Variants in DNAH17 observed in about 807,000 individuals in gnomAD.
DNAH17 encodes the protein axonemal beta dynein heavy chain 17.
Under a neutral mutation model 485.6 loss-of-function variants are expected in DNAH17, and 376 were observed. The observed-to-expected ratio is 0.77, with a 90% CI of 0.71 to 0.84. DNAH17 has a LOEUF of 0.84. Ranked by LOEUF, DNAH17 falls within the 40% of genes least tolerant of loss-of-function variation. The pLI is 0.00. For synonymous variants in DNAH17, 3,031 were observed against 2,405.9 expected, an observed-to-expected ratio of 1.26 and a Z score of -7.60; for missense variants, 6,370 against 5,839.3, an observed-to-expected ratio of 1.09 and a Z score of -2.96.
At position 78,424,101 on chromosome 17, in the gene DNAH17, C is replaced by T. The variant is rs751710327; in HGVS notation, c.13194G>A (p.Glu4398=). 13 of 1,613,858 alleles carry T rather than the reference C, an allele frequency of 8.1e-6. No homozygotes were observed. The highest frequency in any genetic ancestry group is 9.3e-6 in the Non-Finnish European group (11 of 1,179,884). ...AGATGACAGGCATGGCCGGGGTCAG[C>T]TCTTTCAGCCGCGCTTCAGCGATGA... ...TGVIAEARLK[E]LTPAMPVIFI... is the part of the protein sequence containing the mutation. The change falls in exon 81 of 81, where the codon GAG becomes GAA. Residue 4398 remains glutamate, a synonymous_variant. Coordinates refer to ENST00000389840, the MANE Select transcript of DNAH17 (RefSeq NM_173628.4).
chr17:78,566,962 C>T, intron 10 of DNAH17, 37 bp downstream of exon 10: 2 of 1,583,312 alleles, frequency 1.3e-6, no homozygotes, highest in Non-Finnish European at 8.6e-7. Flanking sequence ...GCTGTTCTCA[C>T]CGAGTCCAGT....
rs1488803523 is a variant in DNAH17, at chr17:78,449,866, G to C, written c.11041-282C>G. ...TTTTTTTTTATTTTTAGTACAGACA[G>C]GGTTTCACCATGTTGGTCAGGCTGG... On this transcript the variant is annotated intron_variant, in intron 68 of 80. Transcript: ENST00000389840. 6.8e-6 allele frequency: 3 copies of C among 439,598 alleles called. No homozygotes were observed. In the East Asian group the frequency reaches 1.2e-4, roughly 18 times the overall value. The allele number at this position is 439,598 out of a possible 1,614,324, so 27.2% of individuals were successfully genotyped here.
chr17:78,502,670 C>A lies in DNAH17; in HGVS notation c.5111G>T (p.Trp1704Leu). Residue 1704 changes from tryptophan (W) to leucine (L), a missense_variant, in exon 33 of 81, where the codon TGG becomes TTG. Coordinates refer to ENST00000389840, the MANE Select transcript of DNAH17 (RefSeq NM_173628.4). ...AAATGCCAGGCCCACCTCGGTCGTC[C>A]ACCAGATCTGGGTGCAAGTCAGGGC... is the stretch of plus-strand genomic sequence containing the variant. ...QVALTCTQIW[W>L]TTEVGLAFAR... The A allele has an allele frequency of 1.2e-6, 2 of 1,612,698 alleles. No homozygotes were observed. Among genetic ancestry groups the A allele is most frequent in the Non-Finnish European group, 8.5e-7 (1 of 1,179,950 alleles).
chr17:78,490,851 G>T lies in DNAH17; in HGVS notation c.6670-4C>A. 2 of 1,592,774 alleles carry T rather than the reference G, an allele frequency of 1.3e-6. No individual in the cohort carries two copies. Among genetic ancestry groups the T allele is most frequent in the East Asian group, 2.3e-5 (1 of 43,970 alleles). On this transcript the variant is annotated splice_polypyrimidine_tract_variant and splice_region_variant and intron_variant, in intron 43 of 80. Coordinates refer to ENST00000389840, the MANE Select transcript of DNAH17 (RefSeq NM_173628.4). Reference sequence around the variant, plus strand: ...CGTTGCTGGCCAGGGTGAGGACCTAGGAGGGGGACAGCAGCCCGTGGGGTC... The same window carrying T: ...CGTTGCTGGCCAGGGTGAGGACCTATGAGGGGGACAGCAGCCCGTGGGGTC...
chr17:78,568,897 G>GT (rs2092309568), intron 9 of DNAH17, among the ~76,000 whole-genome samples: 1 of 152,202 alleles, frequency 6.6e-6, no homozygotes, highest in Non-Finnish European at 1.5e-5. Flanking sequence ...GAACGTGGGG[G>GT]TTTAACTTAT....
chr17:78,562,057 G>A, intron 11 of DNAH17, 77 bp from the exon 12 acceptor site: 1 of 1,478,374 alleles, frequency 6.8e-7, no homozygotes, highest in Non-Finnish European at 9.0e-7. Context: ...GACAAAACGG[G>A]CAGGGCCAAT....
At chr17:78,529,902 T>C (rs1339874291) in intron 21 of DNAH17, among the ~76,000 whole-genome samples, 1 of 152,036 alleles carries the variant, frequency 6.6e-6, no homozygotes, top group Non-Finnish European at 1.5e-5. Context: ...CTCAGCAACT[T>C]AGCTCAAGCC....
chr17:78,473,940 C>G (rs2088891950), intron 54 of DNAH17, among the ~76,000 whole-genome samples: 1 of 152,174 alleles, frequency 6.6e-6, no homozygotes. Flanking sequence ...GCTCATGGGT[C>G]CAGAGGACAG....
intron 54 of DNAH17, chr17:78,472,676 T>A: frequency 2.2e-6 from 1 of 450,732 alleles, no homozygotes; most frequent in South Asian, 1.6e-5. Context: ...AGGTTTCGGA[T>A]CCTGGACCCC....
In DNAH17 at chr17:78,510,372, A is replaced by T; in HGVS notation, c.4236+12T>A. ...CCCACGTTGCACAGACAGCACCGCC[A>T]GCACGGCCTACCTTTTCCATGCCCG... is the stretch of plus-strand genomic sequence containing the variant. On this transcript the variant is annotated intron_variant, in intron 27 of 80. Transcript: ENST00000389840. 1 of 1,611,484 alleles carries T rather than the reference A, an allele frequency of 6.2e-7. No homozygotes were observed. Among genetic ancestry groups the T allele is most frequent in the Non-Finnish European group, 8.5e-7 (1 of 1,179,126 alleles).
intron 12 of DNAH17, among the ~76,000 whole-genome samples, chr17:78,561,149 A>G (rs951850243): frequency 6.6e-6 from 1 of 152,104 alleles, no homozygotes; most frequent in African/African-American, 2.4e-5. Context: ...CCAGGAGGCC[A>G]AAATAGAACC....
chr17:78,456,248 G>A (rs1339004103), intron 62 of DNAH17, among the ~76,000 whole-genome samples: 3 of 152,174 alleles, frequency 2.0e-5, no homozygotes, highest in African/African-American at 4.8e-5. Flanking sequence ...GCAGGGAGCC[G>A]AGATTGGGCC....
intron 48 of DNAH17, among the ~76,000 whole-genome samples, chr17:78,481,346 G>GC (rs1278154017): frequency 6.6e-6 from 1 of 151,918 alleles, no homozygotes; most frequent in Non-Finnish European, 1.5e-5. Context: ...CTTGTGATCC[G>GC]CCCGCCTCAG....
At chr17:78,548,221 T>TTTTTTG (rs2091819419) in intron 16 of DNAH17, among the ~76,000 whole-genome samples, 1 of 140,098 alleles carries the variant, frequency 7.1e-6, no homozygotes, top group Non-Finnish European at 1.6e-5. Flanking sequence ...TTTTTTTTTT[T>TTTTTTG]GGAGACAGAG....
intron 68 of DNAH17, 88 bp from the exon 69 acceptor site, chr17:78,449,672 G>A: frequency 7.3e-7 from 1 of 1,363,922 alleles, no homozygotes; most frequent in Non-Finnish European, 1.0e-6. Context: ...ACCTGTGGTG[G>A]CCTCCAGTTT....
At chr17:78,553,318 TTA>T (rs1487351108) in intron 14 of DNAH17, among the ~76,000 whole-genome samples, 814 of 36,166 alleles carry the variant, frequency 0.023, 220 homozygotes, top group East Asian at 0.075. Context: ...TTTTTTTTTT[TTA>T]AGATGGAGTC....
intron 19 of DNAH17, among the ~76,000 whole-genome samples, chr17:78,536,397 C>T (rs544914488): frequency 1.3e-5 from 2 of 152,304 alleles, no homozygotes; most frequent in Non-Finnish European, 1.5e-5. Flanking sequence ...TTGCAGTCAG[C>T]TGAGATTATG....
At chr17:78,504,225 C>G (rs1014160919) in intron 31 of DNAH17, among the ~76,000 whole-genome samples, 3 of 152,004 alleles carry the variant, frequency 2.0e-5, no homozygotes, top group African/African-American at 7.2e-5. Flanking sequence ...GCCACCACAC[C>G]TGGTTAATTT....
Position 78,502,687 on chromosome 17 carries a change from A to T in DNAH17, c.5094T>A (p.Thr1698=), listed in dbSNP as rs2090341024. The T allele has an allele frequency of 6.2e-7, 1 of 1,611,938 alleles. No homozygotes were observed. The highest frequency in any genetic ancestry group is 8.5e-7 in the Non-Finnish European group (1 of 1,179,916). ...ILDYPAQVAL[T]CTQIWWTTEV... is the part of the protein sequence containing the mutation. ...CGGTCGTCCACCAGATCTGGGTGCA[A>T]GTCAGGGCCACCTGAAAGTACATAC... is the stretch of plus-strand genomic sequence containing the variant. The change falls in exon 33 of 81, where the codon ACT becomes ACA. Residue 1698 remains threonine, a synonymous_variant. Coordinates refer to ENST00000389840, the MANE Select transcript of DNAH17 (RefSeq NM_173628.4).
Sources: allele counts gnomAD v4.1 joint callset (sites outside exome capture counted in the v4.1 genomes callset), GRCh38; gene constraint gnomAD v4.1.1; transcripts MANE v1.5; gene names NCBI Gene and HGNC (gene_info 2026-07-23, HGNC 2026-07-21).